The following RNF6 variants were observed in gnomAD, a reference collection of about 807,000 sequenced individuals.
The protein encoded by RNF6 is E3 ubiquitin-protein ligase RNF6.
Under a neutral mutation model 50.1 loss-of-function variants are expected in RNF6, and 21 were observed. That is an observed-to-expected ratio of 0.42 (90% CI 0.30 to 0.60). RNF6 has a LOEUF of 0.60. Ranked by LOEUF, RNF6 falls within the 20% of genes least tolerant of loss-of-function variation. The pLI is 0.20. For synonymous variants in RNF6, 255 were observed against 291.8 expected, an observed-to-expected ratio of 0.87 and a Z score of 1.29; for missense variants, 698 against 838.2, an observed-to-expected ratio of 0.83 and a Z score of 2.07.
In RNF6 at chr13:26,219,490, G is replaced by A; in HGVS notation, c.160C>T (p.Leu54Phe). 6.2e-7 allele frequency: 1 copy of A among 1,613,556 alleles called. No homozygotes were observed. Among genetic ancestry groups the A allele is most frequent in the Non-Finnish European group, 8.5e-7 (1 of 1,179,752 alleles). ...CCTAAAAGATTATGGTCTCTCATAA[G>A]CCGATAATCTTCATCATTGAGTTCA... ...INELNDEDYR[L>F]MRDHNLLGTP... Residue 54 changes from leucine to phenylalanine, a missense_variant, in exon 3 of 5, where the codon CTT becomes TTT. By Grantham distance (22) the Leu-to-Phe change is conservative (BLOSUM62 0). Coordinates refer to ENST00000381588, the MANE Select transcript of RNF6 (RefSeq NM_005977.4).
Position 26,221,293 on chromosome 13 carries a change from T to TTGTG in RNF6, c.-65_-64insCACA, listed in dbSNP as rs1870461294. 1.3e-5 allele frequency: 2 copies of TTGTG among 152,208 alleles called. No homozygotes were observed. The highest frequency in any genetic ancestry group is 2.9e-5 in the Non-Finnish European group (2 of 68,036). The allele number at this position is 152,208 out of a possible 1,614,324, so 9.4% of individuals were successfully genotyped here. On this transcript the variant is annotated 5_prime_UTR_variant, in exon 2 of 5. It removes the in-frame stop codon of an upstream open reading frame in the 5' UTR. Coordinates refer to ENST00000381588, the MANE Select transcript of RNF6 (RefSeq NM_005977.4). ...CTTTTAACATATGCCATGGTATCCATCCTTCAATTGTTTGTGCCTTTTTTG... is the reference window on the plus strand; with the variant it reads ...CTTTTAACATATGCCATGGTATCCATTGTGCCTTCAATTGTTTGTGCCTTTTTTG...
intron 5 of RNF6, among the ~76,000 whole-genome samples, chr13:26,160,918 A>T (rs140452510): frequency 9.6e-4 from 146 of 152,256 alleles, no homozygotes; most frequent in African/African-American, 3.4e-3. Context: ...TAAGGCCACC[A>T]GTCAGAATGG....
chr13:26,151,367 G>A (rs1048294592), intron 5 of RNF6, among the ~76,000 whole-genome samples: 66 of 151,882 alleles, frequency 4.3e-4, no homozygotes, highest in African/African-American at 1.6e-3. Context: ...GGTTCAAGCG[G>A]TTCTCCTGCC....
chr13:26,151,266 C>CT (rs879629924), intron 5 of RNF6, among the ~76,000 whole-genome samples: 4,303 of 147,024 alleles, frequency 0.029, 171 homozygotes, highest in African/African-American at 0.096. Context: ...GGTCTGATAT[C>CT]TTTTTTTTTT....
intron 5 of RNF6, among the ~76,000 whole-genome samples, chr13:26,180,495 C>T (rs1192782400): frequency 6.6e-6 from 1 of 152,210 alleles, no homozygotes; most frequent in Non-Finnish European, 1.5e-5. Context: ...AACCACATGT[C>T]ACTCTGGTCA....
rs752956875 is a variant in RNF6 at position 26,214,504 on chromosome 13, T to C, written c.1378A>G (p.Ile460Val). 2.7e-5 allele frequency: 43 copies of C among 1,614,088 alleles called. No individual in the cohort carries two copies. The highest frequency in any genetic ancestry group is 3.1e-5 in the Non-Finnish European group (37 of 1,180,048). ...GAAATCCTACGAAGAGGAACTGTTA[T>C]GGTACTAACATAGGTTCGAATACCT... Reference protein sequence around the residue: ...RSGIRTYVSTITVPLRRISEN... With the variant: ...RSGIRTYVSTVTVPLRRISEN... The change falls in exon 5 of 5, where the codon ATA becomes GTA. Residue 460 changes from isoleucine to valine, a missense_variant. By Grantham distance (29) the Ile-to-Val change is conservative (BLOSUM62 3). Transcript: ENST00000381588.
At chr13:26,206,558 GTTATATACA>G (rs1869117853) in intron 5 of RNF6, among the ~76,000 whole-genome samples, 2 of 152,228 alleles carry the variant, frequency 1.3e-5, no homozygotes, top group South Asian at 4.1e-4. Context: ...GGTTATATGG[GTTATATACA>G]TTTTCTTGGA....
chr13:26,184,018 ATTTTTTTTT>A (rs1169961717), intron 5 of RNF6, among the ~76,000 whole-genome samples: 238 of 33,880 alleles, frequency 7.0e-3, no homozygotes, highest in South Asian at 0.024. Flanking sequence ...ATATATATAT[ATTTTTTTTT>A]TTTTTTTTTT....
At chr13:26,200,684 C>T (rs147504328) in intron 5 of RNF6, among the ~76,000 whole-genome samples, 28 of 152,300 alleles carry the variant, frequency 1.8e-4, no homozygotes, top group African/African-American at 6.0e-4. Flanking sequence ...GGATTACAGG[C>T]GTGAGCCACC....
chr13:26,152,880 C>T (rs1008451245), intron 5 of RNF6, among the ~76,000 whole-genome samples: 20 of 152,132 alleles, frequency 1.3e-4, no homozygotes, highest in Admixed American at 2.0e-4. Context: ...TGTGGCCGGG[C>T]GCGGTGGCTC....
chr13:26,215,657 A>T, intron 4 of RNF6, 65 bp from the exon 5 acceptor site: 1 of 1,367,520 alleles, frequency 7.3e-7, no homozygotes, highest in Non-Finnish European at 9.8e-7. Context: ...TTTATTGAAA[A>T]CTTGTAAGAA....
intron 2 of RNF6, among the ~76,000 whole-genome samples, chr13:26,219,877 A>C (rs1232901764): frequency 6.6e-6 from 1 of 152,220 alleles, no homozygotes; most frequent in Non-Finnish European, 1.5e-5. Context: ...CTTTGCCTAA[A>C]GCCATTAAGT....
At chr13:26,215,772 T>A (rs1869816074) in intron 4 of RNF6, among the ~76,000 whole-genome samples, 180 bp from the exon 5 acceptor site, 1 of 152,228 alleles carries the variant, frequency 6.6e-6, no homozygotes, top group African/African-American at 2.4e-5. Flanking sequence ...ATAAGCATAT[T>A]ATAAAAATTA....
At chr13:26,148,631 TTTATATATATATATATATATATA>T in intron 5 of RNF6, among the ~76,000 whole-genome samples, 1 of 77,816 alleles carries the variant, frequency 1.3e-5, no homozygotes, top group South Asian at 4.9e-4. Flanking sequence ...TATAAATCTC[TTTATATATATATATATATATATA>T]TATATATATA....
intron 5 of RNF6, among the ~76,000 whole-genome samples, chr13:26,170,799 G>T (rs75905910): frequency 2.0e-4 from 31 of 152,318 alleles, no homozygotes; most frequent in Non-Finnish European, 4.0e-4. Context: ...ACTTACAAAG[G>T]TTGGAGAAAG....
At chr13:26,159,338 T>C (rs1467472616) in intron 5 of RNF6, among the ~76,000 whole-genome samples, 4 of 152,104 alleles carry the variant, frequency 2.6e-5, no homozygotes, top group Non-Finnish European at 2.9e-5. Flanking sequence ...ATATTAAAAA[T>C]TTATTGCCGG....
chr13:26,209,151 C>T (rs959856121), downstream of RNF6, among the ~76,000 whole-genome samples: 5 of 152,232 alleles, frequency 3.3e-5, no homozygotes, highest in East Asian at 3.9e-4. Context: ...TGTGACTGTC[C>T]GGCATTATGG....
intron 4 of RNF6, among the ~76,000 whole-genome samples, chr13:26,216,013 G>A (rs1241675306): frequency 6.6e-6 from 1 of 152,124 alleles, no homozygotes; most frequent in Non-Finnish European, 1.5e-5. Context: ...AATCTTTCTG[G>A]AAAAGCCAAC....
At position 26,197,659 on chromosome 13, in the gene RNF6, T is replaced by A. The variant is rs143395556; in HGVS notation, n.768+17815A>T. Among the ~76,000 whole-genome samples the A allele has an allele frequency of 2.3e-3, 355 of 152,128 alleles. 9 individuals are homozygous for A. Among genetic ancestry groups the A allele is most frequent in the African/African-American group, 8.4e-3 (348 of 41,386 alleles). On this transcript the variant is annotated intron_variant and non_coding_transcript_variant, in intron 5 of 5. Coordinates refer to the RNF6 transcript ENST00000468480. ...TGTAGGAATCAGAATGGAATTCAGC[T>A]CTTTTCTCTACTGCAATAGTTACTG...
Sources: gnomAD v4.1 joint callset for allele counts (sites outside exome capture counted in the v4.1 genomes callset) on GRCh38, gnomAD v4.1.1 for gene constraint, MANE v1.5 for transcripts, NCBI Gene and HGNC (gene_info 2026-07-23, HGNC 2026-07-21) for gene names.